The following NRXN3 variants were observed in gnomAD, a reference collection of about 807,000 sequenced individuals.
The protein encoded by NRXN3 is neurexin 3, also known as neurexin III.
In NRXN3, 32 loss-of-function variants were observed where a neutral mutation model predicts 137.6. The observed-to-expected ratio is 0.23, with a 90% CI of 0.18 to 0.31. The LOEUF (loss-of-function observed/expected upper bound fraction) is 0.31, where lower values mean the gene tolerates loss of function less well. Ranked by LOEUF, NRXN3 falls within the 10% of genes least tolerant of loss-of-function variation. The pLI, the probability that NRXN3 is intolerant of heterozygous loss-of-function variation, is 1.00. For synonymous variants in NRXN3, 798 were observed against 784.5 expected (o/e 1.02, Z -0.29); for missense variants, 1,574 against 2,062.5 (o/e 0.76, Z 4.59).
rs2097864900 is a variant in NRXN3 at position 78,664,454 on chromosome 14, A to G, written c.1221+13128A>G. On this transcript the variant is annotated intron_variant, in intron 6 of 20. Coordinates refer to ENST00000335750, the MANE Select transcript of NRXN3 (RefSeq NM_001330195.2). ...ACATACTCAAAATCACTTCTTTGATACTGTCTCCTGCTCAATTTACACCTA... is the reference window on the plus strand; with the variant it reads ...ACATACTCAAAATCACTTCTTTGATGCTGTCTCCTGCTCAATTTACACCTA... 2.0e-5 allele frequency among the ~76,000 whole-genome samples: 3 copies of G among 152,162 alleles called. No individual in the cohort carries two copies. In the South Asian group the frequency reaches 6.2e-4, roughly 32 times the overall value.
chr14:79,432,785 C>G (rs1044328624), intron 15 of NRXN3, among the ~76,000 whole-genome samples: 3 of 152,164 alleles, frequency 2.0e-5, no homozygotes, highest in Non-Finnish European at 4.4e-5. Flanking sequence ...AATGTTTAAT[C>G]TACTTTGTCC....
At chr14:78,300,971 G>C (rs900363492) in intron 4 of NRXN3, among the ~76,000 whole-genome samples, 34 of 152,146 alleles carry the variant, frequency 2.2e-4, no homozygotes, top group African/African-American at 8.2e-4. Context: ...AGGAACGGGG[G>C]AGGGTGTTCT....
intron 1 of NRXN3, among the ~76,000 whole-genome samples, chr14:78,179,439 A>C (rs1219997618): frequency 6.6e-6 from 1 of 152,160 alleles, no homozygotes; most frequent in East Asian, 1.9e-4. Context: ...ATAATGTGTT[A>C]ATTAAACATC....
chr14:79,611,553 T>TCC (rs1487575731), intron 16 of NRXN3: 4 of 152,326 alleles, frequency 2.6e-5, no homozygotes, highest in Admixed American at 6.5e-5. Flanking sequence ...TGAGCTGAGA[T>TCC]CATGCCACTG....
chr14:79,138,721 A>G (rs1203188734), intron 15 of NRXN3, among the ~76,000 whole-genome samples: 1 of 152,222 alleles, frequency 6.6e-6, no homozygotes, highest in African/African-American at 2.4e-5. Flanking sequence ...TGAAATGAGA[A>G]CTTGCCTGAA....
At chr14:79,600,258 G>A (rs747884095) in intron 16 of NRXN3, among the ~76,000 whole-genome samples, 1 of 152,132 alleles carries the variant, frequency 6.6e-6, no homozygotes, top group African/African-American at 2.4e-5. Flanking sequence ...GTTTTTGTGA[G>A]CCTTATTCTA....
At chr14:78,935,147 A>G (rs75039030) in intron 10 of NRXN3, among the ~76,000 whole-genome samples, 2,992 of 152,222 alleles carry the variant, frequency 0.02, 61 homozygotes, top group South Asian at 0.085. Flanking sequence ...TAGAATTTGA[A>G]AAACATCAAA....
At chr14:79,663,247 C>CGT (rs145244363) in intron 16 of NRXN3, among the ~76,000 whole-genome samples, 19,089 of 149,494 alleles carry the variant, frequency 0.13, 1,423 homozygotes, top group African/African-American at 0.21. Context: ...TGTGTGTACG[C>CGT]GTGTGTGTGT....
chr14:79,416,701 T>G (rs1567066032), intron 15 of NRXN3, among the ~76,000 whole-genome samples: 1 of 152,134 alleles, frequency 6.6e-6, no homozygotes, highest in African/African-American at 2.4e-5. Flanking sequence ...CATTCAGCCC[T>G]CTCTTTCTGC....
At chr14:79,628,825 G>A (rs775909901) in intron 16 of NRXN3, among the ~76,000 whole-genome samples, 1 of 152,186 alleles carries the variant, frequency 6.6e-6, no homozygotes, top group Non-Finnish European at 1.5e-5. Flanking sequence ...CGACGTGAAA[G>A]TAGAAGCATT....
At chr14:79,384,706 C>T (rs2094557822) in intron 15 of NRXN3, among the ~76,000 whole-genome samples, 1 of 152,102 alleles carries the variant, frequency 6.6e-6, no homozygotes, top group African/African-American at 2.4e-5. Flanking sequence ...GTTTCAATGC[C>T]TGACACTCTT....
intron 19 of NRXN3, among the ~76,000 whole-genome samples, chr14:79,798,379 C>T (rs2099167233): frequency 6.6e-6 from 1 of 152,134 alleles, no homozygotes; most frequent in African/African-American, 2.4e-5. Context: ...AGCTCCAACT[C>T]CATCTCAGAA....
intron 4 of NRXN3, chr14:78,403,876 C>T (rs2092294582): frequency 5.1e-6 from 5 of 985,206 alleles, no homozygotes; most frequent in Non-Finnish European, 6.0e-6. Context: ...TCGAGCTTGG[C>T]AGGTAAGTCT....
chr14:79,094,842 G>C (rs563365465), intron 15 of NRXN3, among the ~76,000 whole-genome samples: 24 of 152,168 alleles, frequency 1.6e-4, no homozygotes, highest in African/African-American at 5.1e-4. Flanking sequence ...TACTGGGGTA[G>C]AGTTGAAAGC....
intron 15 of NRXN3, among the ~76,000 whole-genome samples, chr14:79,391,067 G>A (rs1339266901): frequency 2.0e-5 from 3 of 152,060 alleles, no homozygotes; most frequent in Admixed American, 2.0e-4. Context: ...GAAGAAGTAA[G>A]GCTCTGTTCT....
intron 15 of NRXN3, among the ~76,000 whole-genome samples, chr14:79,214,704 G>C (rs749713005): frequency 6.6e-6 from 1 of 152,092 alleles, no homozygotes; most frequent in Non-Finnish European, 1.5e-5. Context: ...ATAGGATATA[G>C]GTCTTGGTTT....
intron 15 of NRXN3, among the ~76,000 whole-genome samples, chr14:79,459,113 G>A (rs1187468115): frequency 6.6e-6 from 1 of 152,022 alleles, no homozygotes; most frequent in African/African-American, 2.4e-5. Context: ...AGTTAGACCT[G>A]GATTAAAGTC....
intron 4 of NRXN3, among the ~76,000 whole-genome samples, chr14:78,440,245 C>G (rs2094200083): frequency 6.6e-6 from 1 of 152,140 alleles, no homozygotes; most frequent in Non-Finnish European, 1.5e-5. Flanking sequence ...TCTCTCAAAC[C>G]AGACATTGGG....
rs201848772 is a variant in NRXN3 at position 79,006,356 on chromosome 14, A to AC, written c.3262+18215_3262+18216insC. Among the ~76,000 whole-genome samples the AC allele has an allele frequency of 3.3e-3, 502 of 150,690 alleles. 4 individuals carry two copies. The highest frequency in any genetic ancestry group is 0.011 in the African/African-American group (471 of 41,162). ...AACAAACAAACAAACAAACAAACAA[A>AC]AACCCCAAAAGCATGAACTAAAGTG... On this transcript the variant is annotated intron_variant, in intron 15 of 20. Transcript: ENST00000335750.
Sources: gnomAD v4.1 joint callset for allele counts (sites outside exome capture counted in the v4.1 genomes callset) on GRCh38, gnomAD v4.1.1 for gene constraint, MANE v1.5 for transcripts, NCBI Gene and HGNC (gene_info 2026-07-23, HGNC 2026-07-21) for gene names.